Variants in GRK7 observed in about 807,000 individuals in gnomAD.
GRK7 encodes G protein-coupled receptor kinase 7.
In GRK7, 24 loss-of-function variants were observed where a neutral mutation model predicts 34.1. That is an observed-to-expected ratio of 0.70 (90% CI 0.51 to 0.99). GRK7 has a LOEUF of 0.99. GRK7 is among the 50% of genes least tolerant of loss of function. GRK7 has a pLI of 0.00. For synonymous variants in GRK7, 256 were observed against 279.4 expected (o/e 0.92, Z 0.84); for missense variants, 644 against 707.3 (o/e 0.91, Z 1.02).
intron 4 of GRK7, among the ~76,000 whole-genome samples, chr3:141,786,603 T>C (rs537067310): frequency 3.3e-5 from 5 of 152,016 alleles, no homozygotes; most frequent in African/African-American, 1.2e-4. Context: ...CAGTGAAACC[T>C]GGTCTCTACT....
At chr3:141,781,434 G>T (rs58449157) in intron 4 of GRK7, among the ~76,000 whole-genome samples, 216 of 152,006 alleles carry the variant, frequency 1.4e-3, no homozygotes, top group African/African-American at 5.1e-3. Context: ...CTACTCGGGA[G>T]GTTGAGGCAG....
Position 141,817,303 on chromosome 3 carries a change from G to A in GRK7, c.*253G>A. 2.6e-6 allele frequency: 1 copy of A among 388,766 alleles called. No homozygotes were observed. Among genetic ancestry groups the A allele is most frequent in the Non-Finnish European group, 4.6e-6 (1 of 218,096 alleles). The allele number at this position is 388,766 out of a possible 1,614,324, so 24.1% of individuals were successfully genotyped here. A position where few individuals can be genotyped will look rare whatever the true frequency, so the allele number is the denominator to read the frequency against. The stretch of plus-strand genomic sequence containing the variant: ...ACACTCAGGTTTATTTTGATAAACT[G>A]AAAGCATCAGCCTTTTACCATCATG... On this transcript the variant is annotated 3_prime_UTR_variant, in exon 6 of 6. Transcript: ENST00000682958.
intron 5 of GRK7, among the ~76,000 whole-genome samples, chr3:141,815,011 G>A (rs558047958): frequency 8.4e-5 from 12 of 143,456 alleles, no homozygotes; most frequent in East Asian, 2.3e-4. Flanking sequence ...TGCAATCTCC[G>A]CCTCCTGGGT....
intron 2 of GRK7, among the ~76,000 whole-genome samples, chr3:141,776,171 T>C (rs1426936508): frequency 1.3e-5 from 2 of 151,846 alleles, no homozygotes; most frequent in African/African-American, 2.4e-5. Flanking sequence ...CCTGTAGTCC[T>C]AGCTACTTGG....
intron 4 of GRK7, among the ~76,000 whole-genome samples, chr3:141,797,153 C>A (rs1258401098): frequency 6.6e-6 from 1 of 152,226 alleles, no homozygotes; most frequent in Non-Finnish European, 1.5e-5. Context: ...CTCTTTTGGG[C>A]TCCCTGTGTG....
At chr3:141,805,388 A>G (rs747704381) in intron 4 of GRK7, among the ~76,000 whole-genome samples, 11 of 152,254 alleles carry the variant, frequency 7.2e-5, no homozygotes, top group African/African-American at 1.2e-4. Flanking sequence ...AGGCCCTGTG[A>G]TAAGTGCCTG....
Position 141,817,704 on chromosome 3 carries a change from G to T in GRK7, c.*654G>T, listed in dbSNP as rs1351604583. 2 of 152,162 alleles carry T rather than the reference G, an allele frequency of 1.3e-5. No homozygotes were observed. The highest frequency in any genetic ancestry group is 2.4e-5 in the African/African-American group (1 of 41,430). The allele number at this position is 152,162 out of a possible 1,614,324, so 9.4% of individuals were successfully genotyped here. ...ATTAAAGCATTCTGTAAATTTAGTTGAGTCCTTTAAGTAATATGGTACAAA... is the reference window on the plus strand; with the variant it reads ...ATTAAAGCATTCTGTAAATTTAGTTTAGTCCTTTAAGTAATATGGTACAAA... On this transcript the variant is annotated 3_prime_UTR_variant, in exon 6 of 6. Coordinates refer to ENST00000682958, the MANE Select transcript of GRK7 (RefSeq NM_139209.3).
intron 4 of GRK7, among the ~76,000 whole-genome samples, chr3:141,806,259 C>T (rs188508428): frequency 9.2e-5 from 14 of 152,192 alleles, no homozygotes; most frequent in Admixed American, 5.2e-4. Flanking sequence ...TCTGTCATAT[C>T]GCTCTCTGAA....
rs1047473565 is a variant in GRK7 at position 141,765,080 on chromosome 3, C to A, written c.-873C>A. ...TTGAAAACTTCCAGTGGCTTTCCAT[C>A]TCACTCAGAAGGAAAACCTAAGTTC... On this transcript the variant is annotated 5_prime_UTR_variant, in exon 1 of 6. Transcript: ENST00000682958. Among the ~76,000 whole-genome samples, 1 of 152,216 alleles carries A rather than the reference C, an allele frequency of 6.6e-6. No individual in the cohort carries two copies. Among genetic ancestry groups the A allele is most frequent in the African/African-American group, 2.4e-5 (1 of 41,446 alleles).
intron 3 of GRK7, 140 bp from the exon 4 acceptor site, chr3:141,780,234 T>C: frequency 2.8e-6 from 2 of 705,632 alleles, no homozygotes; most frequent in Non-Finnish European, 4.7e-6. Context: ...CCCCACTTTT[T>C]CTTGAGAACA....
chr3:141,811,649 C>T (rs1360001018), intron 5 of GRK7, among the ~76,000 whole-genome samples: 1 of 152,076 alleles, frequency 6.6e-6, no homozygotes, highest in Non-Finnish European at 1.5e-5. Flanking sequence ...AATCTTCCAA[C>T]ACTTTTATTT....
rs142322024 is a variant in GRK7, at chr3:141,768,242, GC to G, written c.-215+2507del. Among the ~76,000 whole-genome samples, 800 of 149,072 alleles carry G rather than the reference GC, an allele frequency of 5.4e-3. 4 individuals are homozygous for G. The highest frequency in any genetic ancestry group is 0.019 in the African/African-American group (774 of 40,462). ...ATCCTTCCCCTTATATTTTAACCTC[GC>G]CCTCTAACCTGGATCCTTCCTGTCA... is the stretch of plus-strand genomic sequence containing the variant. On this transcript the variant is annotated intron_variant, in intron 1 of 5. Coordinates refer to ENST00000682958, the MANE Select transcript of GRK7 (RefSeq NM_139209.3).
chr3:141,801,764 G>A (rs746780667), intron 4 of GRK7, among the ~76,000 whole-genome samples: 1 of 152,230 alleles, frequency 6.6e-6, no homozygotes, highest in Admixed American at 6.5e-5. Flanking sequence ...ATAGTCAGGA[G>A]AAGTGGGAAG....
chr3:141,792,348 G>A (rs537974365), intron 4 of GRK7, among the ~76,000 whole-genome samples: 2 of 150,914 alleles, frequency 1.3e-5, no homozygotes, highest in South Asian at 4.2e-4. Flanking sequence ...AGGCTGCAGT[G>A]AGTGGAGATC....
In GRK7 at chr3:141,780,692, G is replaced by C; in HGVS notation, c.931G>C (p.Gly311Arg). 6.2e-7 allele frequency: 1 copy of C among 1,614,180 alleles called. No individual in the cohort carries two copies. Among genetic ancestry groups the C allele is most frequent in the South Asian group, 1.1e-5 (1 of 91,084 alleles). ...ACGMLHLHEL[G>R]IVYRDMKPEN... ...TGGGATGCTGCACCTCCATGAACTC[G>C]GCATCGTCTATCGGGACATGAAGCC... is the stretch of plus-strand genomic sequence containing the variant. The change falls in exon 4 of 6, where the codon GGC (glycine) becomes CGC (arginine). Residue 311 changes from glycine to arginine, a missense_variant. Physicochemically the swap from Gly to Arg is moderately radical, Grantham distance 125 (BLOSUM62 -2). Coordinates refer to ENST00000682958, the MANE Select transcript of GRK7 (RefSeq NM_139209.3).
chr3:141,797,352 G>A (rs1260507165), intron 4 of GRK7, among the ~76,000 whole-genome samples: 1 of 152,160 alleles, frequency 6.6e-6, no homozygotes, highest in Non-Finnish European at 1.5e-5. Flanking sequence ...ATGCGGGGCG[G>A]GCGGAGCCTC....
intron 3 of GRK7, 142 bp downstream of exon 3, chr3:141,779,038 GC>G (rs1411214405): frequency 1.1e-5 from 9 of 829,274 alleles, no homozygotes; most frequent in African/African-American, 1.7e-5. Context: ...CGTCTCCCCA[GC>G]CCCCTTCTTT....
chr3:141,816,605 A>G, intron 5 of GRK7, 109 bp from the exon 6 acceptor site: 1 of 585,296 alleles, frequency 1.7e-6, no homozygotes, highest in Non-Finnish European at 2.9e-6. Flanking sequence ...TTGTCTTTGC[A>G]ATTAAAATAA....
chr3:141,812,014 A>G (rs1490401707), intron 5 of GRK7, among the ~76,000 whole-genome samples: 4 of 152,358 alleles, frequency 2.6e-5, no homozygotes, highest in African/African-American at 9.6e-5. Context: ...CTGATCAGGC[A>G]GTGCAGCAGA....
Sources: allele counts gnomAD v4.1 joint callset (sites outside exome capture counted in the v4.1 genomes callset), GRCh38; gene constraint gnomAD v4.1.1; transcripts MANE v1.5; gene names NCBI Gene and HGNC (gene_info 2026-07-23, HGNC 2026-07-21).